UBASH3B: variants seen among roughly 807,000 people sequenced by gnomAD.
UBASH3B encodes ubiquitin associated and SH3 domain containing B, also known as ubiquitin-associated and SH3 domain-containing protein B.
A neutral mutation model predicts 83.4 loss-of-function variants in UBASH3B; 37 were observed. The ratio of observed to expected loss-of-function variants is 0.44; its 90% CI spans 0.34 to 0.58. The LOEUF is 0.58. UBASH3B is among the 20% of genes least tolerant of loss of function. UBASH3B has a pLI of 0.01. For missense variants in UBASH3B, 657 were observed against 827.2 expected, an observed-to-expected ratio of 0.79 and a Z score of 2.52; for synonymous variants, 304 against 318.3, an observed-to-expected ratio of 0.96 and a Z score of 0.48.
intron 3 of UBASH3B, 144 bp downstream of exon 3, chr11:122,777,354 C>T: frequency 1.1e-6 from 1 of 909,388 alleles, no homozygotes; most frequent in Non-Finnish European, 1.6e-6. Context: ...TTCAAGGGAT[C>T]AGTGAGGTCC....
intron 4 of UBASH3B, among the ~76,000 whole-genome samples, chr11:122,780,655 C>T (rs553143690): frequency 3.9e-4 from 59 of 152,286 alleles, no homozygotes; most frequent in African/African-American, 1.4e-3. Flanking sequence ...TCTACCTTCA[C>T]GGAAGGAAGG....
At position 122,794,770 on chromosome 11, in the gene UBASH3B, G is replaced by C; in HGVS notation, c.1049G>C (p.Arg350Pro). 1 of 1,614,048 alleles carries C rather than the reference G, an allele frequency of 6.2e-7. No individual in the cohort carries two copies. Among genetic ancestry groups the C allele is most frequent in the Non-Finnish European group, 8.5e-7 (1 of 1,180,016 alleles). The part of the protein sequence containing the change: ...LTFGDGVLER[R>P]PYEDQGLGET... Reference sequence around the variant, plus strand: ...TTTGGGGATGGAGTATTGGAGAGGCGGCCTTATGAGGACCAGGGGCTCGGG... The same window carrying C: ...TTTGGGGATGGAGTATTGGAGAGGCCGCCTTATGAGGACCAGGGGCTCGGG... The change falls in exon 7 of 14, where the codon CGG becomes CCG. Residue 350 changes from arginine to proline, a missense_variant. By Grantham distance (103) the Arg-to-Pro change is moderately radical (BLOSUM62 -2). Coordinates refer to ENST00000284273, the MANE Select transcript of UBASH3B (RefSeq NM_032873.5).
intron 1 of UBASH3B, among the ~76,000 whole-genome samples, chr11:122,673,983 G>C (rs977823929): frequency 1.3e-5 from 2 of 152,226 alleles, no homozygotes; most frequent in South Asian, 4.1e-4. Context: ...TGTTAATAGG[G>C]CTGTGTTGTT....
chr11:122,809,135 C>A (rs1027886835), intron 13 of UBASH3B, among the ~76,000 whole-genome samples: 4 of 151,746 alleles, frequency 2.6e-5, no homozygotes, highest in Admixed American at 6.6e-5. Flanking sequence ...AGCACAGTGG[C>A]GTAATCTCGG....
chr11:122,755,110 C>T (rs1222815259), intron 1 of UBASH3B, among the ~76,000 whole-genome samples: 3 of 152,168 alleles, frequency 2.0e-5, no homozygotes, highest in Non-Finnish European at 4.4e-5. Flanking sequence ...TCAGACTACA[C>T]GGTTCTCTCT....
intron 1 of UBASH3B, among the ~76,000 whole-genome samples, chr11:122,690,672 G>A (rs186382727): frequency 2.6e-5 from 4 of 152,102 alleles, no homozygotes; most frequent in Non-Finnish European, 4.4e-5. Context: ...AGATACATAC[G>A]CATGGAGAGC....
In UBASH3B at chr11:122,796,931, C is replaced by G; in HGVS notation, c.1255C>G (p.Leu419Val). 2 of 1,614,198 alleles carry G rather than the reference C, an allele frequency of 1.2e-6. No individual in the cohort carries two copies. Among genetic ancestry groups the G allele is most frequent in the Non-Finnish European group, 1.7e-6 (2 of 1,180,028 alleles). Residue 419 changes from leucine to valine, a missense_variant, in exon 9 of 14, where the codon CTG (leucine) becomes GTG (valine). This residue lies in a region of UBASH3B where 573 missense variants were observed against 739.0 expected (regional missense o/e 0.78). Coordinates refer to ENST00000284273, the MANE Select transcript of UBASH3B (RefSeq NM_032873.5). Reference sequence around the variant, plus strand: ...TTCAGGCCGCTACATACGCACCAACCTGAACATGCCTCATAGTTTACCTCA... The same window carrying G: ...TTCAGGCCGCTACATACGCACCAACGTGAACATGCCTCATAGTTTACCTCA... ...DAKGRYIRTN[L>V]NMPHSLPQRS...
In UBASH3B at chr11:122,779,551, C is replaced by T. The variant is rs574702302; in HGVS notation, c.457C>T (p.Arg153Cys). The T allele has an allele frequency of 5.0e-6, 8 of 1,614,106 alleles. No individual in the cohort carries two copies. The highest frequency in any genetic ancestry group is 6.8e-6 in the Non-Finnish European group (8 of 1,180,018). Residue 153 changes from arginine to cysteine, a missense_variant, in exon 4 of 14, where the codon CGC (arginine) becomes TGC (cysteine). Around this residue, in one of 3 missense-constraint regions of UBASH3B, gnomAD observed 573 missense variants for 739.0 expected, o/e 0.78. Coordinates refer to ENST00000284273, the MANE Select transcript of UBASH3B (RefSeq NM_032873.5). ...GGAAGCCCTGCAGACCACGGTCAGT[C>T]GCTGGAAATGTAAGTTCTCGGCCCC... The part of the protein sequence containing the change: ...LGEALQTTVS[R>C]WKCKFSAPLP...
chr11:122,757,746 A>T (rs7927623), intron 1 of UBASH3B, among the ~76,000 whole-genome samples: 3 of 139,188 alleles, frequency 2.2e-5, no homozygotes. Flanking sequence ...ACAGAGTCTC[A>T]CTCTGTCGCC....
chr11:122,775,967 A>C (rs889373218), intron 1 of UBASH3B: 2 of 412,612 alleles, frequency 4.8e-6, no homozygotes, highest in African/African-American at 2.1e-5. Context: ...GAAACTGCTG[A>C]AAATAGACTG....
chr11:122,783,571 C>T (rs1045180836), intron 5 of UBASH3B, among the ~76,000 whole-genome samples: 24 of 152,080 alleles, frequency 1.6e-4, no homozygotes, highest in African/African-American at 5.8e-4. Context: ...TAATGGAAGA[C>T]ATCATTTTGA....
At chr11:122,754,749 A>T (rs969249748) in intron 1 of UBASH3B, among the ~76,000 whole-genome samples, 1 of 152,206 alleles carries the variant, frequency 6.6e-6, no homozygotes, top group African/African-American at 2.4e-5. Context: ...ACAGAAAAAG[A>T]AGAGAATCCG....
At position 122,693,803 on chromosome 11, in the gene UBASH3B, G is replaced by A. The variant is rs561971313; in HGVS notation, c.161+37593G>A. Among the ~76,000 whole-genome samples the A allele has an allele frequency of 3.9e-5, 6 of 152,284 alleles. No homozygotes were observed. In the South Asian group the frequency reaches 6.2e-4, roughly 16 times the overall value. ...CAAGAGAATCTTGAACCCGGGAGGCGGAGGTTGCAGTGAGCCGAGATGGTG... is the reference window on the plus strand; with the variant it reads ...CAAGAGAATCTTGAACCCGGGAGGCAGAGGTTGCAGTGAGCCGAGATGGTG... On this transcript the variant is annotated intron_variant, in intron 1 of 13. Coordinates refer to ENST00000284273, the MANE Select transcript of UBASH3B (RefSeq NM_032873.5).
intron 1 of UBASH3B, among the ~76,000 whole-genome samples, chr11:122,657,162 G>A (rs1480957466): frequency 6.6e-6 from 1 of 152,214 alleles, no homozygotes; most frequent in Non-Finnish European, 1.5e-5. Flanking sequence ...CGGACTGGGC[G>A]CAGCTTCTTT....
intron 1 of UBASH3B, among the ~76,000 whole-genome samples, chr11:122,760,288 C>T (rs1327174654): frequency 6.6e-6 from 1 of 151,962 alleles, no homozygotes; most frequent in Non-Finnish European, 1.5e-5. Flanking sequence ...AAAGGATAGG[C>T]AGGAGCTAGC....
intron 1 of UBASH3B, among the ~76,000 whole-genome samples, chr11:122,737,566 T>C (rs541102686): frequency 1.3e-5 from 2 of 151,846 alleles, no homozygotes; most frequent in East Asian, 3.9e-4. Flanking sequence ...ACCTTCTACA[T>C]AAACTCCTGA....
At chr11:122,741,743 C>T (rs1040781217) in intron 1 of UBASH3B, among the ~76,000 whole-genome samples, 3 of 152,204 alleles carry the variant, frequency 2.0e-5, no homozygotes, top group African/African-American at 7.2e-5. Flanking sequence ...CGTGAACTTT[C>T]TGAACTTGGG....
intron 1 of UBASH3B, among the ~76,000 whole-genome samples, chr11:122,750,498 G>A (rs932876667): frequency 2.0e-5 from 3 of 152,174 alleles, no homozygotes; most frequent in African/African-American, 7.2e-5. Context: ...GCAAGTGACT[G>A]ATTATTTTAC....
chr11:122,748,744 C>T (rs896130856), intron 1 of UBASH3B, among the ~76,000 whole-genome samples: 9 of 152,166 alleles, frequency 5.9e-5, no homozygotes, highest in Non-Finnish European at 8.8e-5. Flanking sequence ...AGGCCTGCTG[C>T]CCACCCAACT....
Sources: gnomAD v4.1 joint callset for allele counts (sites outside exome capture counted in the v4.1 genomes callset) on GRCh38, gnomAD v4.1.1 for gene constraint, gnomAD v4.1.1 regional missense constraint, MANE v1.5 for transcripts, NCBI Gene and HGNC (gene_info 2026-07-23, HGNC 2026-07-21) for gene names.